ZNRF1: variants seen among roughly 807,000 people sequenced by gnomAD.
The protein encoded by ZNRF1 is E3 ubiquitin-protein ligase ZNRF1.
ZNRF1 carries 3 observed loss-of-function variants against 18.4 expected under a neutral mutation model. The observed-to-expected ratio is 0.16, with a 90% CI of 0.07 to 0.42. The LOEUF (loss-of-function observed/expected upper bound fraction) is 0.42. ZNRF1 is among the 10% of genes least tolerant of loss of function. ZNRF1 has a pLI of 0.99. For synonymous variants in ZNRF1, 157 were observed against 144.2 expected, an observed-to-expected ratio of 1.09 and a Z score of -0.64; for missense variants, 310 against 329.8, an observed-to-expected ratio of 0.94 and a Z score of 0.47.
chr16:75,071,148 G>A (rs1039573873), intron 1 of ZNRF1, among the ~76,000 whole-genome samples: 3 of 149,064 alleles, frequency 2.0e-5, no homozygotes, highest in Non-Finnish European at 4.4e-5. Context: ...CACGCAGGCT[G>A]GAGTGCAGTG....
chr16:75,097,592 C>T (rs565462991), intron 2 of ZNRF1, among the ~76,000 whole-genome samples: 6 of 152,242 alleles, frequency 3.9e-5, no homozygotes, highest in African/African-American at 1.4e-4. Flanking sequence ...CTTTGGGGAA[C>T]CGAGATTGCT....
Position 75,108,458 on chromosome 16 carries a change from AAACTT to A in ZNRF1, c.*761_*765del, listed in dbSNP as rs1415343912. On this transcript the variant is annotated 3_prime_UTR_variant, in exon 5 of 5. Transcript: ENST00000335325. ...GCCCTCGTGGATTTTTTTTTTCAGA[AAACTT>A]AAACAAAAAAAGACTTACTAAGAAA... 1.8e-5 allele frequency: 7 copies of A among 397,480 alleles called. No homozygotes were observed. The highest frequency in any genetic ancestry group is 6.3e-4 in the Middle Eastern group (1 of 1,582). The allele number at this position is 397,480 out of a possible 1,614,324, so 24.6% of individuals were successfully genotyped here.
chr16:75,074,406 G>T (rs2145404442), intron 1 of ZNRF1, among the ~76,000 whole-genome samples: 1 of 152,316 alleles, frequency 6.6e-6, no homozygotes, highest in East Asian at 1.9e-4. Flanking sequence ...ATAAGTTGGT[G>T]TCTAAAGGGT....
chr16:75,059,552 C>T (rs1435606679), intron 1 of ZNRF1, among the ~76,000 whole-genome samples: 2 of 152,016 alleles, frequency 1.3e-5, no homozygotes, highest in Non-Finnish European at 2.9e-5. Flanking sequence ...GAGAAAACTA[C>T]CCATCTTCTT....
chr16:75,066,084 A>G (rs1306970039), intron 1 of ZNRF1, among the ~76,000 whole-genome samples: 2 of 152,204 alleles, frequency 1.3e-5, no homozygotes, highest in African/African-American at 4.8e-5. Context: ...CTCGTTTCCC[A>G]TTCAATTCCA....
At chr16:75,028,248 T>G (rs989857629) in intron 1 of ZNRF1, among the ~76,000 whole-genome samples, 1 of 152,210 alleles carries the variant, frequency 6.6e-6, no homozygotes, top group African/African-American at 2.4e-5. Context: ...TAACTTATCA[T>G]GATTCTACTT....
At chr16:75,003,697 G>C (rs962081120) in intron 1 of ZNRF1, among the ~76,000 whole-genome samples, 1 of 152,178 alleles carries the variant, frequency 6.6e-6, no homozygotes, top group Non-Finnish European at 1.5e-5. Flanking sequence ...GCTGGCCTAC[G>C]AGTCAGAGTG....
intron 1 of ZNRF1, among the ~76,000 whole-genome samples, chr16:75,035,398 G>T (rs28815859): frequency 0.032 from 4,890 of 152,188 alleles, 225 homozygotes; most frequent in African/African-American, 0.11. Context: ...ATCTTACTCT[G>T]TCACCCAACT....
At chr16:75,014,775 C>T (rs1308828887) in intron 1 of ZNRF1, among the ~76,000 whole-genome samples, 1 of 152,022 alleles carries the variant, frequency 6.6e-6, no homozygotes, top group African/African-American at 2.4e-5. Context: ...CATATTTTTG[C>T]TTGTTCTGTG....
chr16:75,029,917 G>T (rs1032836405), intron 1 of ZNRF1, among the ~76,000 whole-genome samples: 6 of 151,882 alleles, frequency 4.0e-5, no homozygotes, highest in Non-Finnish European at 7.4e-5. Flanking sequence ...AATTAGCCAG[G>T]TGTTGTGTTG....
intron 2 of ZNRF1, among the ~76,000 whole-genome samples, chr16:75,101,553 AAGAG>A (rs1045534954): frequency 2.0e-5 from 3 of 152,118 alleles, no homozygotes; most frequent in Admixed American, 1.3e-4. Flanking sequence ...TCAAAAAAAA[AAGAG>A]AGAGAACGCC....
intron 1 of ZNRF1, among the ~76,000 whole-genome samples, chr16:75,006,918 A>G: frequency 6.6e-6 from 1 of 152,182 alleles, no homozygotes; most frequent in East Asian, 1.9e-4. Context: ...TCTCACTAGA[A>G]CACAGGTTTA....
chr16:75,066,148 A>T (rs926837786), intron 1 of ZNRF1, among the ~76,000 whole-genome samples: 2 of 152,244 alleles, frequency 1.3e-5, no homozygotes, highest in African/African-American at 4.8e-5. Flanking sequence ...AAGAAACTGA[A>T]TACTACATAA....
intron 1 of ZNRF1, among the ~76,000 whole-genome samples, chr16:75,057,275 A>G (rs908256608): frequency 6.6e-6 from 1 of 152,188 alleles, no homozygotes; most frequent in African/African-American, 2.4e-5. Context: ...AATGGAATTT[A>G]GTAAGGTTAT....
intron 1 of ZNRF1, among the ~76,000 whole-genome samples, chr16:75,062,751 G>A (rs1436434034): frequency 1.3e-5 from 2 of 152,200 alleles, no homozygotes; most frequent in South Asian, 2.1e-4. Flanking sequence ...CGGAGGGCCT[G>A]GCCGTATGAC....
intron 1 of ZNRF1, among the ~76,000 whole-genome samples, chr16:75,068,747 G>A (rs2035834017): frequency 6.6e-6 from 1 of 151,980 alleles, no homozygotes; most frequent in Non-Finnish European, 1.5e-5. Flanking sequence ...CAGCCACGCA[G>A]GTCCACCACC....
chr16:75,093,509 C>A, intron 1 of ZNRF1, 63 bp from the exon 2 acceptor site: 2 of 1,322,566 alleles, frequency 1.5e-6, no homozygotes, highest in South Asian at 1.2e-5. Context: ...CGAGAGTGTC[C>A]ACATGTACTG....
chr16:75,017,670 G>T (rs1032765393), intron 1 of ZNRF1, among the ~76,000 whole-genome samples: 1 of 152,196 alleles, frequency 6.6e-6, no homozygotes, highest in Non-Finnish European at 1.5e-5. Context: ...TTTAATCATT[G>T]TTGGTCTGTA....
chr16:75,059,257 T>TA (rs2035712441), intron 1 of ZNRF1, among the ~76,000 whole-genome samples: 1 of 139,826 alleles, frequency 7.2e-6, no homozygotes, highest in Non-Finnish European at 1.5e-5. Flanking sequence ...TTTTTTTTTT[T>TA]TTTTTGTGGA....
Sources: allele counts gnomAD v4.1 joint callset (sites outside exome capture counted in the v4.1 genomes callset), GRCh38; gene constraint gnomAD v4.1.1; transcripts MANE v1.5; gene names NCBI Gene and HGNC (gene_info 2026-07-23, HGNC 2026-07-21).